Variants in TASOR2 observed in about 807,000 individuals in gnomAD.
TASOR2 encodes protein TASOR 2.
TASOR2 carries 84 observed loss-of-function variants against 199.5 expected under a neutral mutation model. That is an observed-to-expected ratio of 0.42 (90% confidence interval 0.35 to 0.50). TASOR2 has a LOEUF of 0.50. TASOR2 is among the 20% of genes least tolerant of loss of function. The probability of loss-of-function intolerance (pLI) is 0.02; values close to 1 mark genes in which losing one functional copy is unlikely to be tolerated. For synonymous variants in TASOR2, 1,103 were observed against 1,046.6 expected, an observed-to-expected ratio of 1.05 and a Z score of -1.04; for missense variants, 2,796 against 2,835.9, an observed-to-expected ratio of 0.99 and a Z score of 0.32.
chr10:5,716,171 T>C (rs1413013874), intron 2 of TASOR2, among the ~76,000 whole-genome samples: 2 of 152,234 alleles, frequency 1.3e-5, no homozygotes, highest in Non-Finnish European at 2.9e-5. Context: ...ACGGGATCAC[T>C]GTCCAAACTT....
chr10:5,762,677 G>A (rs773320091), intron 20 of TASOR2, 31 bp downstream of exon 21: 2 of 1,010,898 alleles, frequency 2.0e-6, no homozygotes, highest in East Asian at 2.5e-5. Context: ...ACTTTCCCAT[G>A]TGAGTTGGAG....
intron 2 of TASOR2, 22 bp from the exon 3 acceptor site, chr10:5,714,113 C>G (rs2131553593): frequency 8.2e-7 from 1 of 1,213,792 alleles, no homozygotes; most frequent in East Asian, 3.2e-5. Context: ...AAGACTGAAG[C>G]AAAGTAATCT....
chr10:5,688,980 G>A (rs1240965379), intron 1 of TASOR2, among the ~76,000 whole-genome samples: 2 of 152,250 alleles, frequency 1.3e-5, no homozygotes, highest in Non-Finnish European at 2.9e-5. Flanking sequence ...ACCTTCCTGG[G>A]TGACAGAGCA....
At position 5,756,752 on chromosome 10, in the gene TASOR2, A is replaced by G; in HGVS notation, c.6732+14A>G. 1 of 1,609,800 alleles carries G rather than the reference A, an allele frequency of 6.2e-7. No individual in the cohort carries two copies. Among genetic ancestry groups the G allele is most frequent in the Non-Finnish European group, 8.5e-7 (1 of 1,178,470 alleles). On this transcript the variant is annotated intron_variant, in intron 16 of 20. Transcript: ENST00000328090. ...CATTTGCATCAGGTCGGTTGGAAAT[A>G]CCTTACAAAGAAACGTATTCCAGGC...
intron 1 of TASOR2, among the ~76,000 whole-genome samples, chr10:5,703,955 G>T (rs1434645042): frequency 6.6e-6 from 1 of 151,402 alleles, no homozygotes; most frequent in Non-Finnish European, 1.5e-5. Flanking sequence ...AGGCGTGGTG[G>T]CTCACACCTG....
intron 1 of TASOR2, among the ~76,000 whole-genome samples, chr10:5,691,563 C>T (rs1363793273): frequency 1.3e-5 from 2 of 152,152 alleles, no homozygotes. Flanking sequence ...TGTTAATCTA[C>T]ATAATTGTTT....
Position 5,710,122 on chromosome 10 carries a change from A to T in TASOR2, c.-287-2701A>T, listed in dbSNP as rs1231192208. On this transcript the variant is annotated intron_variant, in intron 1 of 20. Coordinates refer to ENST00000328090, the Ensembl canonical transcript of TASOR2. The surrounding 1 kb of genome is among the most constrained non-coding windows in gnomAD (Gnocchi z 4.6). ...AGTGTTTGTATTGTTTGGTGCACTG[A>T]TTGGACTCTCAAATGAAAGTGTATT... Among the ~76,000 whole-genome samples the T allele has an allele frequency of 6.6e-6, 1 of 152,126 alleles. No homozygotes were observed. Among genetic ancestry groups the T allele is most frequent in the Non-Finnish European group, 1.5e-5 (1 of 67,992 alleles).
At chr10:5,736,018 A>C (rs890585342) in intron 12 of TASOR2, among the ~76,000 whole-genome samples, 1 of 152,140 alleles carries the variant, frequency 6.6e-6, no homozygotes, top group Non-Finnish European at 1.5e-5. Flanking sequence ...AATCACTGCA[A>C]CCTTGACCTC....
exon 15 of TASOR2, chr10:5,747,801 T>C (rs1368749979): frequency 1.2e-6 from 2 of 1,613,834 alleles, no homozygotes; most frequent in South Asian, 2.2e-5. Context: ...GTCCTACCCA[T>C]CCAGTGGGGC....
intron 2 of TASOR2, chr10:5,714,478 G>A (rs192969261): frequency 1.1e-4 from 29 of 273,366 alleles, no homozygotes; most frequent in African/African-American, 5.5e-4. Context: ...AGAGCTGACC[G>A]AACTTGGCAA....
rs1396908869 is a variant in TASOR2, at chr10:5,754,140, A to G, written c.6607-2473A>G. Reference sequence around the variant, plus strand: ...GCCAATATAGTGAAACCCCGTCTCTACTAAAAATAAAAAAATTAGCCGGGT... The same window carrying G: ...GCCAATATAGTGAAACCCCGTCTCTGCTAAAAATAAAAAAATTAGCCGGGT... On this transcript the variant is annotated intron_variant, in intron 15 of 20. Coordinates refer to ENST00000328090, the Ensembl canonical transcript of TASOR2. This position sits in a 1 kb window ranked among gnomAD's most constrained non-coding sequence, Gnocchi z 4.3. Among the ~76,000 whole-genome samples the G allele has an allele frequency of 6.6e-6, 1 of 152,126 alleles. No individual in the cohort carries two copies. Among genetic ancestry groups the G allele is most frequent in the Non-Finnish European group, 1.5e-5 (1 of 68,016 alleles).
intron 1 of TASOR2, among the ~76,000 whole-genome samples, chr10:5,709,861 C>T (rs751899131): frequency 2.6e-5 from 4 of 152,144 alleles, no homozygotes; most frequent in Admixed American, 6.5e-5. Flanking sequence ...ACATAAAACA[C>T]GTATGTTCCT....
intron 1 of TASOR2, among the ~76,000 whole-genome samples, chr10:5,686,237 C>T (rs1019979989): frequency 5.3e-5 from 8 of 152,198 alleles, no homozygotes; most frequent in South Asian, 4.1e-4. Context: ...GTATACAGAA[C>T]ATTTGCCCAA....
rs951106462 is a variant in TASOR2, at chr10:5,752,122, T to G, written c.6606+2095T>G. Among the ~76,000 whole-genome samples the G allele has an allele frequency of 4.6e-5, 7 of 151,988 alleles. No individual in the cohort carries two copies. The highest frequency in any genetic ancestry group is 1.3e-4 in the Admixed American group (2 of 15,270). ...TCCCCCTACCCTTGCAGCAGAAAGC[T>G]CCATTCAGATGTCAGCAGTCCTGTT... is the stretch of plus-strand genomic sequence containing the variant. On this transcript the variant is annotated intron_variant, in intron 15 of 20. Transcript: ENST00000328090. The surrounding 1 kb of genome is among the most constrained non-coding windows in gnomAD (Gnocchi z 4.4).
At chr10:5,745,807 A>G (rs1401037011) in intron 14 of TASOR2, among the ~76,000 whole-genome samples, 2 of 152,178 alleles carry the variant, frequency 1.3e-5, no homozygotes, top group Non-Finnish European at 2.9e-5. Context: ...CTCATTTATT[A>G]AAAACAAAAT....
chr10:5,726,098 T>G (rs1398223516), intron 8 of TASOR2, among the ~76,000 whole-genome samples: 1 of 152,238 alleles, frequency 6.6e-6, no homozygotes, highest in Admixed American at 6.5e-5. Context: ...TTTAGGTGGT[T>G]TAACTGAAAA....
At position 5,685,671 on chromosome 10, in the gene TASOR2, G is replaced by A. The variant is rs1289182230; in HGVS notation, c.-288+496G>A. ...CATTTCAGCAGCAAGCGCAAGCCGC[G>A]TTGGGATAACTTGGTGCGAGCAACA... On this transcript the variant is annotated intron_variant, in intron 1 of 20. Transcript: ENST00000328090. The surrounding 1 kb of genome is among the most constrained non-coding windows in gnomAD (Gnocchi z 5.4). 6.6e-6 allele frequency among the ~76,000 whole-genome samples: 1 copy of A among 152,216 alleles called. No individual in the cohort carries two copies. Among genetic ancestry groups the A allele is most frequent in the African/African-American group, 2.4e-5 (1 of 41,454 alleles).
chr10:5,700,792 G>T (rs1049852544), intron 1 of TASOR2, among the ~76,000 whole-genome samples: 49 of 103,628 alleles, frequency 4.7e-4, no homozygotes, highest in Admixed American at 7.0e-4. Context: ...GTGGGGGTGT[G>T]TCTGTGTGTG....
At chr10:5,735,447 C>T in exon 12 of TASOR2, 1 of 1,614,050 alleles carries the variant, frequency 6.2e-7, no homozygotes, top group Admixed American at 1.7e-5. Context: ...CAAAACTGTT[C>T]CAAGGGCTAA....
Sources: allele counts gnomAD v4.1 joint callset (sites outside exome capture counted in the v4.1 genomes callset), GRCh38; gene constraint gnomAD v4.1.1; non-coding constraint Gnocchi (gnomAD v3.1); transcripts MANE v1.5; gene names NCBI Gene and HGNC (gene_info 2026-07-23, HGNC 2026-07-21).